The following MBOAT2 variants were observed in gnomAD, a reference collection of about 807,000 sequenced individuals.
MBOAT2 encodes membrane bound glycerophospholipid O-acyltransferase 2, also known as membrane-bound glycerophospholipid O-acyltransferase 2.
MBOAT2 carries 28 observed loss-of-function variants against 63.4 expected under a neutral mutation model. The observed-to-expected ratio is 0.44, with a 90% CI of 0.33 to 0.61. The LOEUF (loss-of-function observed/expected upper bound fraction) is 0.61. Ranked by LOEUF, MBOAT2 falls within the 20% of genes least tolerant of loss-of-function variation. MBOAT2 has a pLI of 0.03. For missense variants in MBOAT2, 470 were observed against 605.8 expected (o/e 0.78, Z 2.35); for synonymous variants, 211 against 215.6 (o/e 0.98, Z 0.19).
intron 8 of MBOAT2, 77 bp downstream of exon 8, chr2:8,873,031 C>A (rs1175119377): frequency 1.5e-6 from 2 of 1,345,624 alleles, no homozygotes; most frequent in Non-Finnish European, 2.1e-6. Context: ...CTCAAGAGGG[C>A]GCACTGATAG....
At chr2:8,997,435 C>T (rs1274377627) in intron 1 of MBOAT2, among the ~76,000 whole-genome samples, 26 of 152,196 alleles carry the variant, frequency 1.7e-4, no homozygotes, top group Admixed American at 1.7e-3. Flanking sequence ...CCACTTTTGA[C>T]TCCAAATTCA....
chr2:8,958,615 C>A lies in MBOAT2; in HGVS notation c.103G>T (p.Ala35Ser). ...QVNFVVCQLF[A>S]LLAAIWFRTY... ...CGAAACCAAATGGCTGCTAGCAAGGCAAAGAGTTGGCACACTACAAAGTTG... is the reference window on the plus strand; with the variant it reads ...CGAAACCAAATGGCTGCTAGCAAGGAAAAGAGTTGGCACACTACAAAGTTG... Residue 35 changes from alanine to serine, a missense_variant, in exon 2 of 13, where the codon GCC becomes TCC. Physicochemically the swap from Ala to Ser is moderately conservative, Grantham distance 99. Coordinates refer to ENST00000305997, the MANE Select transcript of MBOAT2 (RefSeq NM_138799.4). 1 of 1,606,762 alleles carries A rather than the reference C, an allele frequency of 6.2e-7. No individual in the cohort carries two copies. Among genetic ancestry groups the A allele is most frequent in the Non-Finnish European group, 8.5e-7 (1 of 1,177,724 alleles).
chr2:8,876,768 T>C (rs974511097), intron 7 of MBOAT2, among the ~76,000 whole-genome samples: 1 of 152,184 alleles, frequency 6.6e-6, no homozygotes, highest in Non-Finnish European at 1.5e-5. Context: ...GCCAATTCCA[T>C]GCTAAGAGCT....
intron 4 of MBOAT2, among the ~76,000 whole-genome samples, chr2:8,898,796 A>C (rs1038361425): frequency 1.3e-5 from 2 of 152,216 alleles, no homozygotes; most frequent in Admixed American, 6.5e-5. Flanking sequence ...ATACAGAAGA[A>C]GGCATCCTTG....
At chr2:8,923,948 G>T (rs913690517) in intron 3 of MBOAT2, among the ~76,000 whole-genome samples, 1 of 152,088 alleles carries the variant, frequency 6.6e-6, no homozygotes, top group South Asian at 2.1e-4. Context: ...GATCAGCAAG[G>T]AAACATTATT....
intron 9 of MBOAT2, among the ~76,000 whole-genome samples, chr2:8,864,658 C>T (rs1200960690): frequency 6.6e-6 from 1 of 152,094 alleles, no homozygotes; most frequent in Non-Finnish European, 1.5e-5. Flanking sequence ...GCCCTGCCAT[C>T]GTCTCTCGGT....
At chr2:8,946,038 A>G (rs982988128) in intron 2 of MBOAT2, among the ~76,000 whole-genome samples, 2 of 152,250 alleles carry the variant, frequency 1.3e-5, no homozygotes, top group Non-Finnish European at 2.9e-5. Context: ...ATATGCTAAA[A>G]AAGAGATTAG....
intron 3 of MBOAT2, among the ~76,000 whole-genome samples, chr2:8,932,401 TGAA>T (rs929709221): frequency 1.3e-4 from 20 of 152,160 alleles, no homozygotes; most frequent in African/African-American, 4.8e-4. Context: ...TACATCCTGA[TGAA>T]GAAGACAGAG....
At chr2:8,889,173 G>A (rs1461230173) in intron 4 of MBOAT2, among the ~76,000 whole-genome samples, 1 of 152,198 alleles carries the variant, frequency 6.6e-6, no homozygotes, top group Non-Finnish European at 1.5e-5. Flanking sequence ...TTAGACCCCC[G>A]TGGGTCTAGT....
rs1048698598 is a variant in MBOAT2, at chr2:8,855,195, A to T, written c.*3484T>A. On this transcript the variant is annotated 3_prime_UTR_variant, in exon 13 of 13. Coordinates refer to ENST00000305997, the MANE Select transcript of MBOAT2 (RefSeq NM_138799.4). Reference sequence around the variant, plus strand: ...GTCAATGACCATGACAATAGTGTGGACTGTGAATGTGCCCAAGTCCTTGAA... The same window carrying T: ...GTCAATGACCATGACAATAGTGTGGTCTGTGAATGTGCCCAAGTCCTTGAA... The T allele has an allele frequency of 6.6e-6, 1 of 152,212 alleles. No individual in the cohort carries two copies. Among genetic ancestry groups the T allele is most frequent in the African/African-American group, 2.4e-5 (1 of 41,458 alleles). The allele number at this position is 152,212 out of a possible 1,614,324, so 9.4% of individuals were successfully genotyped here.
intron 1 of MBOAT2, among the ~76,000 whole-genome samples, chr2:8,967,760 A>G (rs1484293192): frequency 6.6e-6 from 1 of 152,178 alleles, no homozygotes; most frequent in Non-Finnish European, 1.5e-5. Flanking sequence ...TATTCAGAAT[A>G]TGATAAAGAT....
At chr2:8,873,583 G>T (rs1662496871) in intron 7 of MBOAT2, among the ~76,000 whole-genome samples, 1 of 151,978 alleles carries the variant, frequency 6.6e-6, no homozygotes, top group South Asian at 2.1e-4. Context: ...AAATCTAAAA[G>T]CAAGCATAAG....
chr2:8,950,823 T>C (rs1354104775), intron 2 of MBOAT2, among the ~76,000 whole-genome samples: 1 of 152,224 alleles, frequency 6.6e-6, no homozygotes, highest in Non-Finnish European at 1.5e-5. Flanking sequence ...TGATGCCTAC[T>C]TTCCTAAGAG....
chr2:8,953,518 C>T (rs1023445846), intron 2 of MBOAT2, among the ~76,000 whole-genome samples: 6 of 152,124 alleles, frequency 3.9e-5, no homozygotes, highest in African/African-American at 1.4e-4. Context: ...TGAATAATTC[C>T]CTCAAATACA....
At chr2:8,864,033 C>T in intron 10 of MBOAT2, 137 bp downstream of exon 10, 1 of 594,746 alleles carries the variant, frequency 1.7e-6, no homozygotes, top group East Asian at 3.1e-5. Flanking sequence ...AGGAGGCTAA[C>T]AGTGTTTCCC....
intron 1 of MBOAT2, among the ~76,000 whole-genome samples, chr2:9,002,825 G>C (rs1338173873): frequency 2.0e-5 from 3 of 152,148 alleles, no homozygotes; most frequent in Non-Finnish European, 4.4e-5. Flanking sequence ...GCTTTTCTGA[G>C]GGCTGGGCAA....
In MBOAT2 at chr2:8,976,221, C is replaced by T. The variant is rs559160576; in HGVS notation, c.76-17579G>A. ...CATGGAAACAGAAGCAGAAAGCGAG[C>T]GATTTAATCAAGGCACCACAGAGAT... On this transcript the variant is annotated intron_variant, in intron 1 of 12. Transcript: ENST00000305997. Among the ~76,000 whole-genome samples the T allele has an allele frequency of 1.7e-4, 26 of 152,064 alleles. No homozygotes were observed. In the South Asian group the frequency reaches 4.8e-3, roughly 28 times the overall value.
chr2:8,936,127 A>C (rs1667643705), intron 3 of MBOAT2, among the ~76,000 whole-genome samples: 1 of 152,162 alleles, frequency 6.6e-6, no homozygotes, highest in Non-Finnish European at 1.5e-5. Context: ...CTTTTGTAAC[A>C]GTAATTGCCT....
chr2:8,951,391 G>A (rs1250094793), intron 2 of MBOAT2, among the ~76,000 whole-genome samples: 1 of 152,142 alleles, frequency 6.6e-6, no homozygotes, highest in Admixed American at 6.6e-5. Context: ...TTTTAGTAGA[G>A]ATGGGGTCTT....
Sources: allele counts gnomAD v4.1 joint callset (sites outside exome capture counted in the v4.1 genomes callset), GRCh38; gene constraint gnomAD v4.1.1; transcripts MANE v1.5; gene names NCBI Gene and HGNC (gene_info 2026-07-23, HGNC 2026-07-21).